The following RBPJ variants were observed in gnomAD, a reference collection of about 807,000 sequenced individuals.
RBPJ encodes the protein recombination signal binding protein for immunoglobulin kappa J region.
In RBPJ, 9 loss-of-function variants were observed where a neutral mutation model predicts 67.8. The observed-to-expected ratio is 0.13, with a 90% CI of 0.08 to 0.23. RBPJ has a LOEUF of 0.23. RBPJ is among the 10% of genes least tolerant of loss of function. The pLI is 1.00. For missense variants in RBPJ, 305 were observed against 595.6 expected, an observed-to-expected ratio of 0.51 and a Z score of 5.08; for synonymous variants, 198 against 203.3, an observed-to-expected ratio of 0.97 and a Z score of 0.22.
intron 1 of RBPJ, among the ~76,000 whole-genome samples, chr4:26,269,188 C>T (rs1396660511): frequency 2.0e-5 from 3 of 151,452 alleles, no homozygotes; most frequent in African/African-American, 7.3e-5. Flanking sequence ...CCCAGGCCCT[C>T]TCCTTGGCTA....
chr4:26,144,360 C>T, the RBPJ span, among the ~76,000 whole-genome samples: 2 of 143,970 alleles, frequency 1.4e-5, no homozygotes, highest in Admixed American at 7.3e-5. Flanking sequence ...AACCTCTGCT[C>T]CTGAGTTCAA....
At chr4:26,320,859 G>A, upstream of RBPJ, 1 of 1,571,560 alleles carries the variant, frequency 6.4e-7, no homozygotes, top group Non-Finnish European at 8.6e-7. Context: ...CCTACTCTGC[G>A]GGCGGCGCGA....
intron 1 of RBPJ, among the ~76,000 whole-genome samples, chr4:26,267,637 A>G (rs1019566515): frequency 4.6e-5 from 7 of 151,212 alleles, no homozygotes; most frequent in African/African-American, 1.7e-4. Context: ...TTTGAGATGG[A>G]GTCTCTGTCA....
intron 2 of RBPJ, among the ~76,000 whole-genome samples, chr4:26,402,517 A>C (rs1466157883): frequency 2.0e-5 from 3 of 152,242 alleles, no homozygotes; most frequent in Non-Finnish European, 2.9e-5. Flanking sequence ...AGAGACTTTC[A>C]TACTTGACTC....
At chr4:26,156,865 T>C in the RBPJ span, among the ~76,000 whole-genome samples, 1 of 151,430 alleles carries the variant, frequency 6.6e-6, no homozygotes, top group Non-Finnish European at 1.5e-5. Context: ...AGCCCAGGAA[T>C]TGGAGGCCAG....
chr4:26,373,581 C>T (rs1462884993), intron 1 of RBPJ, among the ~76,000 whole-genome samples: 1 of 152,108 alleles, frequency 6.6e-6, no homozygotes, highest in African/African-American at 2.4e-5. Flanking sequence ...GTAATTTCTA[C>T]CAACAGAAAA....
chr4:26,409,623 C>T (rs886540836), intron 3 of RBPJ, among the ~76,000 whole-genome samples: 4 of 152,130 alleles, frequency 2.6e-5, no homozygotes, highest in Non-Finnish European at 5.9e-5. Flanking sequence ...CCTCAGCCTC[C>T]CAAGTAGCTG....
At chr4:26,118,727 T>C in the RBPJ span, among the ~76,000 whole-genome samples, 3 of 152,238 alleles carry the variant, frequency 2.0e-5, no homozygotes, top group Non-Finnish European at 2.9e-5. Flanking sequence ...TGTTACACCT[T>C]GAGGGAAGGT....
upstream of RBPJ, among the ~76,000 whole-genome samples, chr4:26,318,259 G>T (rs938897770): frequency 6.6e-6 from 1 of 152,118 alleles, no homozygotes; most frequent in South Asian, 2.1e-4. Flanking sequence ...GCTGTGACGT[G>T]AGCAGGAAGA....
At chr4:26,124,288 G>A in the RBPJ span, among the ~76,000 whole-genome samples, 27 of 151,500 alleles carry the variant, frequency 1.8e-4, no homozygotes, top group Non-Finnish European at 4.4e-5. Flanking sequence ...CCACTTATGA[G>A]TGAGAACATG....
Position 26,430,448 on chromosome 4 carries a change from T to C in RBPJ, c.1074T>C (p.Leu358=). The change falls in exon 10 of 11, where the codon CTT becomes CTC. Residue 358 remains leucine (L), a synonymous_variant. Transcript: ENST00000355476. The surrounding 1 kb of genome is among the most constrained non-coding windows in gnomAD (Gnocchi z 4.1). The part of the protein sequence containing the change: ...QLNGGGDVAM[L]ELTGQNFTPN... ...ATGGCGGTGGGGACGTAGCAATGCT[T>C]GAACTTACAGGACAGAATTTCACTC... 1 of 1,612,028 alleles carries C rather than the reference T, an allele frequency of 6.2e-7. No homozygotes were observed. Among genetic ancestry groups the C allele is most frequent in the South Asian group, 1.1e-5 (1 of 90,356 alleles).
At chr4:26,417,486 T>C (rs1396524660) in intron 4 of RBPJ, among the ~76,000 whole-genome samples, 3 of 152,190 alleles carry the variant, frequency 2.0e-5, no homozygotes, top group African/African-American at 7.2e-5. Context: ...AGCATTTAAC[T>C]AGTATTTAAA....
Position 26,178,305 on chromosome 4 carries a change from C to T in RBPJ, c.-167+14691C>T, listed in dbSNP as rs560701897. 2.6e-5 allele frequency among the ~76,000 whole-genome samples: 4 copies of T among 152,308 alleles called. No homozygotes were observed. The South Asian group carries it at 6.2e-4, about 24-fold the overall frequency. Reference sequence around the variant, plus strand: ...CAGTTATAGAACAGGGACTCCATGGCCCCTTATCAAATGGAGGGGGCTCCA... The same window carrying T: ...CAGTTATAGAACAGGGACTCCATGGTCCCTTATCAAATGGAGGGGGCTCCA... On this transcript the variant is annotated intron_variant, in intron 1 of 4. Transcript: ENST00000512351.
chr4:26,413,330 G>A (rs567708831), intron 3 of RBPJ, among the ~76,000 whole-genome samples: 4 of 152,082 alleles, frequency 2.6e-5, no homozygotes, highest in Non-Finnish European at 5.9e-5. Flanking sequence ...ACCTTGGGCC[G>A]TCCCCATTTC....
chr4:26,366,593 T>TGTATTTTTA (rs896065285), intron 1 of RBPJ, among the ~76,000 whole-genome samples: 4 of 152,080 alleles, frequency 2.6e-5, no homozygotes, highest in African/African-American at 9.7e-5. Context: ...CCTAATTTTT[T>TGTATTTTTA]GTATTTTTAG....
intron 1 of RBPJ, among the ~76,000 whole-genome samples, chr4:26,165,722 T>A (rs10004657): frequency 0.011 from 1,586 of 149,256 alleles, 24 homozygotes; most frequent in African/African-American, 0.036. Context: ...CTTTTTTTTT[T>A]ATTATCATTA....
chr4:26,130,395 C>T, the RBPJ span, among the ~76,000 whole-genome samples: 3 of 152,164 alleles, frequency 2.0e-5, no homozygotes, highest in African/African-American at 4.8e-5. Context: ...GAATCATTCT[C>T]TTACTTGAAC....
rs570552926 is a variant in RBPJ, at chr4:26,173,611, C to T, written c.-167+9997C>T. Among the ~76,000 whole-genome samples, 11 of 152,290 alleles carry T rather than the reference C, an allele frequency of 7.2e-5. No homozygotes were observed. The South Asian group carries it at 1.5e-3, about 20-fold the overall frequency. ...AGATTTCTATCTTTCATCCCACCCA[C>T]GACTCCAGATAACTTGGTAGGCTAC... is the stretch of plus-strand genomic sequence containing the variant. On this transcript the variant is annotated intron_variant, in intron 1 of 4. Transcript: ENST00000512351.
At chr4:26,287,900 C>A (rs932392294) in intron 1 of RBPJ, among the ~76,000 whole-genome samples, 1 of 152,062 alleles carries the variant, frequency 6.6e-6, no homozygotes. Flanking sequence ...ATTTAAATGT[C>A]TTTGAGCATC....
Sources: gnomAD v4.1 joint callset for allele counts (sites outside exome capture counted in the v4.1 genomes callset) on GRCh38, gnomAD v4.1.1 for gene constraint, Gnocchi (gnomAD v3.1) non-coding constraint, MANE v1.5 for transcripts, NCBI Gene and HGNC (gene_info 2026-07-23, HGNC 2026-07-21) for gene names.